The following DDX10 variants were observed in gnomAD, a reference collection of about 807,000 sequenced individuals.
DDX10 encodes the protein DEAD-box helicase 10, also known as probable ATP-dependent RNA helicase DDX10.
A neutral mutation model predicts 104.3 loss-of-function variants in DDX10; 74 were observed. That is an observed-to-expected ratio of 0.71 (90% confidence interval 0.59 to 0.86). The LOEUF (loss-of-function observed/expected upper bound fraction) is 0.86, where lower values mean the gene tolerates loss of function less well. Ranked by LOEUF, DDX10 falls within the 40% of genes least tolerant of loss-of-function variation. The probability of loss-of-function intolerance (pLI) is 0.00; values close to 1 mark genes in which losing one functional copy is unlikely to be tolerated. For synonymous variants in DDX10, 351 were observed against 353.4 expected (o/e 0.99, Z 0.08); for missense variants, 952 against 1,040.0 (o/e 0.92, Z 1.16).
In DDX10 at chr11:108,778,614, T is replaced by C. The variant is rs1190711729; in HGVS notation, c.1965+55152T>C. On this transcript the variant is annotated intron_variant, in intron 13 of 17. Coordinates refer to ENST00000322536, the MANE Select transcript of DDX10 (RefSeq NM_004398.4). ...CCCTAGAAGAAAACCTAGGCAATAC[T>C]GTTCAGGCCATAGGCATGGGCAAGG... Among the ~76,000 whole-genome samples the C allele has an allele frequency of 2.2e-4, 33 of 152,240 alleles. No individual in the cohort carries two copies. In the East Asian group the frequency reaches 4.6e-3, roughly 21 times the overall value.
chr11:108,722,900 G>A (rs2094300050), intron 12 of DDX10, 97 bp from the exon 13 acceptor site: 1 of 1,450,158 alleles, frequency 6.9e-7, no homozygotes. Context: ...CTTTAAAAAA[G>A]CTCTAGGAAT....
Position 108,936,511 on chromosome 11 carries a change from C to T in DDX10, c.2451-3735C>T, listed in dbSNP as rs79177527. 9.6e-3 allele frequency among the ~76,000 whole-genome samples: 1,453 copies of T among 152,032 alleles called. 17 individuals are homozygous for T. The highest frequency in any genetic ancestry group is 0.033 in the African/African-American group (1,359 of 41,448). Reference sequence around the variant, plus strand: ...CAGAAAAATGAGAAGACATATATAACAGCAAAAAGAAAATTAAAAAAAATC... The same window carrying T: ...CAGAAAAATGAGAAGACATATATAATAGCAAAAAGAAAATTAAAAAAAATC... On this transcript the variant is annotated intron_variant, in intron 17 of 17. Coordinates refer to ENST00000322536, the MANE Select transcript of DDX10 (RefSeq NM_004398.4).
chr11:108,908,539 A>G (rs537784077), intron 16 of DDX10, among the ~76,000 whole-genome samples: 2 of 152,364 alleles, frequency 1.3e-5, no homozygotes, highest in Non-Finnish European at 2.9e-5. Flanking sequence ...TATGGCATGT[A>G]GGAACGTAAT....
chr11:108,833,808 T>A (rs1053588735), intron 13 of DDX10, among the ~76,000 whole-genome samples: 1 of 152,240 alleles, frequency 6.6e-6, no homozygotes, highest in Non-Finnish European at 1.5e-5. Context: ...TTTCTGATTT[T>A]TCCCCCTTCT....
chr11:108,840,042 A>G (rs1009623173), intron 14 of DDX10, among the ~76,000 whole-genome samples: 8 of 152,238 alleles, frequency 5.3e-5, no homozygotes, highest in African/African-American at 1.9e-4. Flanking sequence ...TAAAGCTCTG[A>G]AAGAAATGCC....
At chr11:108,691,427 A>T (rs973978624) in intron 7 of DDX10, among the ~76,000 whole-genome samples, 1 of 152,190 alleles carries the variant, frequency 6.6e-6, no homozygotes, top group Non-Finnish European at 1.5e-5. Context: ...AGTCCCACAC[A>T]TTGAGATATA....
At chr11:108,774,103 C>A (rs890671073) in intron 13 of DDX10, among the ~76,000 whole-genome samples, 1 of 152,180 alleles carries the variant, frequency 6.6e-6, no homozygotes, top group Non-Finnish European at 1.5e-5. Flanking sequence ...CAGTGGACAA[C>A]CAGAAAGAGA....
intron 1 of DDX10, among the ~76,000 whole-genome samples, chr11:108,671,061 T>C (rs990803576): frequency 6.6e-6 from 1 of 152,218 alleles, no homozygotes; most frequent in African/African-American, 2.4e-5. Context: ...GAAATATCTC[T>C]TCCCTGAATT....
Position 108,665,191 on chromosome 11 carries a change from G to C in DDX10, c.38G>C (p.Arg13Pro), listed in dbSNP as rs761485994. Residue 13 changes from arginine (R) to proline (P), a missense_variant, in exon 1 of 18, where the codon CGA (arginine) becomes CCA (proline). Transcript: ENST00000322536. ...GCCAACTCTCCGGGTTCGGGAGCCC[G>C]ACCCGACCCGGTGCGGAGCTTCAAT... ...KTANSPGSGA[R>P]PDPVRSFNRW... The C allele has an allele frequency of 4.7e-5, 76 of 1,612,324 alleles. No individual in the cohort carries two copies. Among genetic ancestry groups the C allele is most frequent in the Non-Finnish European group, 5.9e-5 (70 of 1,179,464 alleles).
chr11:108,755,422 T>G (rs2094343337), intron 13 of DDX10, among the ~76,000 whole-genome samples: 1 of 152,098 alleles, frequency 6.6e-6, no homozygotes, highest in African/African-American at 2.4e-5. Flanking sequence ...AAATCTGGCC[T>G]ATTGCCTGTG....
intron 16 of DDX10, among the ~76,000 whole-genome samples, chr11:108,899,044 A>G (rs553406171): frequency 2.6e-5 from 4 of 152,352 alleles, no homozygotes; most frequent in African/African-American, 7.2e-5. Flanking sequence ...TCAAATGTGC[A>G]TTGAACACAA....
chr11:108,923,542 A>G (rs911026474), intron 17 of DDX10, among the ~76,000 whole-genome samples: 1 of 152,232 alleles, frequency 6.6e-6, no homozygotes, highest in Non-Finnish European at 1.5e-5. Context: ...CTTTCAACTA[A>G]AAATGTTTTA....
At chr11:108,683,732 A>G (rs1326050390) in intron 6 of DDX10, among the ~76,000 whole-genome samples, 2 of 152,208 alleles carry the variant, frequency 1.3e-5, no homozygotes, top group Non-Finnish European at 2.9e-5. Context: ...TAGTTTAAAT[A>G]CTTTCATATC....
chr11:108,872,068 C>T (rs116698682), intron 16 of DDX10, among the ~76,000 whole-genome samples: 253 of 152,258 alleles, frequency 1.7e-3, no homozygotes, highest in African/African-American at 5.6e-3. Context: ...ACATTCATTG[C>T]GACATTCTGA....
intron 17 of DDX10, among the ~76,000 whole-genome samples, chr11:108,928,312 G>A (rs546401683): frequency 6.6e-6 from 1 of 152,276 alleles, no homozygotes; most frequent in African/African-American, 2.4e-5. Context: ...TCAATACATA[G>A]AAATTTAAAC....
At chr11:108,778,203 C>G (rs1294402203) in intron 13 of DDX10, among the ~76,000 whole-genome samples, 2 of 152,140 alleles carry the variant, frequency 1.3e-5, no homozygotes, top group Admixed American at 6.6e-5. Flanking sequence ...CTTTAAAGTT[C>G]ATATGGAACC....
intron 13 of DDX10, among the ~76,000 whole-genome samples, chr11:108,762,646 G>A (rs1194823031): frequency 6.6e-6 from 1 of 151,882 alleles, no homozygotes; most frequent in African/African-American, 2.4e-5. Context: ...GTGTAGGCAA[G>A]GTGGATCACA....
At chr11:108,763,815 T>C (rs2094353479) in intron 13 of DDX10, among the ~76,000 whole-genome samples, 1 of 152,216 alleles carries the variant, frequency 6.6e-6, no homozygotes, top group Non-Finnish European at 1.5e-5. Flanking sequence ...CTAATAAACA[T>C]TCTGTATCTA....
intron 13 of DDX10, among the ~76,000 whole-genome samples, chr11:108,734,220 G>A (rs1387532764): frequency 2.6e-5 from 4 of 152,108 alleles, no homozygotes; most frequent in African/African-American, 9.7e-5. Context: ...TTAAACAGAA[G>A]GAAGAACTCT....
Sources: gnomAD v4.1 joint callset for allele counts (sites outside exome capture counted in the v4.1 genomes callset) on GRCh38, gnomAD v4.1.1 for gene constraint, MANE v1.5 for transcripts, NCBI Gene and HGNC (gene_info 2026-07-23, HGNC 2026-07-21) for gene names.